Variants in GRM1 observed in about 807,000 individuals in gnomAD.
GRM1 encodes the protein metabotropic glutamate receptor 1.
Under a neutral mutation model 90.9 loss-of-function variants are expected in GRM1, and 33 were observed. That is an observed-to-expected ratio of 0.36 (90% CI 0.28 to 0.49). GRM1 has a LOEUF of 0.49. GRM1 is among the 20% of genes least tolerant of loss of function. The pLI is 0.99. For missense variants in GRM1, 1,190 were observed against 1,534.3 expected, an observed-to-expected ratio of 0.78 and a Z score of 3.75; for synonymous variants, 700 against 613.2, an observed-to-expected ratio of 1.14 and a Z score of -2.09.
chr6:146,279,041 A>C (rs1782475638), intron 2 of GRM1, among the ~76,000 whole-genome samples: 3 of 152,158 alleles, frequency 2.0e-5, no homozygotes, highest in African/African-American at 7.2e-5. Context: ...TTTTATTAAC[A>C]GATATTGTAA....
chr6:146,347,500 G>T (rs946194874), intron 3 of GRM1, among the ~76,000 whole-genome samples: 7 of 152,162 alleles, frequency 4.6e-5, no homozygotes, highest in Non-Finnish European at 1.0e-4. Context: ...TAGCAAGCTT[G>T]CAGGATACAA....
In GRM1 at chr6:146,029,158, G is replaced by A; in HGVS notation, c.-360G>A. 1 of 365,300 alleles carries A rather than the reference G, an allele frequency of 2.7e-6. No individual in the cohort carries two copies. The highest frequency in any genetic ancestry group is 5.2e-6 in the Non-Finnish European group (1 of 191,134). The allele number at this position is 365,300 out of a possible 1,614,324, so 22.6% of individuals were successfully genotyped here. ...CCCAGAGTTTTAACACAGGTCCTCT[G>A]ATGACAAGGTTGTGATTTTTCTCTG... On this transcript the variant is annotated 5_prime_UTR_variant, in exon 1 of 8. An upstream open reading frame in the 5' UTR loses its in-frame stop. Coordinates refer to ENST00000282753, the MANE Select transcript of GRM1 (RefSeq NM_001278064.2).
At chr6:146,044,344 A>G (rs974878835) in intron 1 of GRM1, among the ~76,000 whole-genome samples, 4 of 151,970 alleles carry the variant, frequency 2.6e-5, no homozygotes, top group African/African-American at 7.2e-5. Context: ...GCTTTTACCC[A>G]TCTTCTAACT....
At chr6:146,180,764 C>G (rs1778522212) in intron 2 of GRM1, among the ~76,000 whole-genome samples, 1 of 152,064 alleles carries the variant, frequency 6.6e-6, no homozygotes, top group Non-Finnish European at 1.5e-5. Context: ...TCTTTCCAAC[C>G]CACAGCCTGG....
intron 1 of GRM1, among the ~76,000 whole-genome samples, chr6:146,060,585 T>A (rs1044926012): frequency 6.6e-6 from 1 of 152,198 alleles, no homozygotes; most frequent in African/African-American, 2.4e-5. Flanking sequence ...TGATCTTGTT[T>A]ATTTTTATGG....
intron 2 of GRM1, among the ~76,000 whole-genome samples, chr6:146,265,839 G>C (rs533604818): frequency 1.9e-4 from 29 of 152,126 alleles, no homozygotes; most frequent in African/African-American, 6.5e-4. Flanking sequence ...TTTACTTATG[G>C]GTTGTCTATT....
rs761830769 is a variant in GRM1, at chr6:146,434,413, C to T, written c.3202C>T (p.Pro1068Ser). The change falls in exon 8 of 8, where the codon CCC becomes TCC. Residue 1068 changes from proline to serine, a missense_variant. This residue lies in a region of GRM1 where 400 missense variants were observed against 360.8 expected (regional missense o/e 1.11). Coordinates refer to ENST00000282753, the MANE Select transcript of GRM1 (RefSeq NM_001278064.2). Reference protein sequence around the residue: ...PGNGLRSLYPPPPPPQHLQML... With the variant: ...PGNGLRSLYPSPPPPQHLQML... The stretch of plus-strand genomic sequence containing the variant: ...GAACGGGCTGCGGTCCCTGTACCCG[C>T]CCCCGCCACCTCCGCAGCACCTGCA... The T allele has an allele frequency of 4.3e-6, 7 of 1,612,938 alleles. No individual in the cohort carries two copies. In the East Asian group the frequency reaches 8.9e-5, roughly 21 times the overall value.
intron 2 of GRM1, among the ~76,000 whole-genome samples, chr6:146,197,833 A>G (rs1779173119): frequency 6.6e-6 from 1 of 152,218 alleles, no homozygotes; most frequent in African/African-American, 2.4e-5. Context: ...AGAAGCAGAG[A>G]ATACAGTAAT....
At chr6:146,040,722 G>T (rs189353503) in intron 1 of GRM1, among the ~76,000 whole-genome samples, 1 of 151,984 alleles carries the variant, frequency 6.6e-6, no homozygotes, top group Admixed American at 6.6e-5. Context: ...CCTTGGGGTA[G>T]TCTTATTTGG....
At chr6:146,374,164 C>T (rs561667270) in intron 5 of GRM1, among the ~76,000 whole-genome samples, 2 of 141,590 alleles carry the variant, frequency 1.4e-5, no homozygotes, top group South Asian at 4.5e-4. Context: ...GTATCGGTAT[C>T]GCATTGATTA....
At chr6:146,165,720 G>C (rs1777881567) in intron 2 of GRM1, among the ~76,000 whole-genome samples, 1 of 152,104 alleles carries the variant, frequency 6.6e-6, no homozygotes, top group South Asian at 2.1e-4. Context: ...GAAAAAGACT[G>C]AGAAATGTTG....
At chr6:146,223,904 A>T (rs1223512557) in intron 2 of GRM1, among the ~76,000 whole-genome samples, 1 of 152,112 alleles carries the variant, frequency 6.6e-6, no homozygotes, top group Non-Finnish European at 1.5e-5. Flanking sequence ...GAATATCATA[A>T]TTTACTGTTT....
intron 5 of GRM1, among the ~76,000 whole-genome samples, chr6:146,373,568 A>G (rs1169128802): frequency 2.0e-5 from 3 of 152,232 alleles, no homozygotes; most frequent in East Asian, 3.9e-4. Context: ...TTACAATTTG[A>G]TATGAGATTT....
chr6:146,181,070 T>A (rs920523652), intron 2 of GRM1, among the ~76,000 whole-genome samples: 1 of 152,100 alleles, frequency 6.6e-6, no homozygotes, highest in African/African-American at 2.4e-5. Context: ...TGACACTATT[T>A]TCACTGCCCA....
rs752293971 is a variant in GRM1, at chr6:146,267,680, GGGCTCGGCTCGGCTCGGCTC to G, written c.951-36924_951-36905del. Among the ~76,000 whole-genome samples, 82 of 91,122 alleles carry G rather than the reference GGGCTCGGCTCGGCTCGGCTC, an allele frequency of 9.0e-4. 1 individual carries two copies. The highest frequency in any genetic ancestry group is 6.0e-3 in the African/African-American group (72 of 12,088). The allele number at this position is 91,122 out of a possible 152,430, so 59.8% of individuals were successfully genotyped here. On this transcript the variant is annotated intron_variant, in intron 2 of 7. Transcript: ENST00000282753. Reference sequence around the variant, plus strand: ...GGGCTGGGCTGGGCTGGGCTGGGCTGGGCTCGGCTCGGCTCGGCTCGGCTCGTCTCGTCTCGTCTCGTCTC... The same window carrying G: ...GGGCTGGGCTGGGCTGGGCTGGGCTGGGCTCGTCTCGTCTCGTCTCGTCTC...
intron 1 of GRM1, among the ~76,000 whole-genome samples, chr6:146,061,579 G>C (rs1775670352): frequency 6.6e-6 from 1 of 151,972 alleles, no homozygotes; most frequent in Non-Finnish European, 1.5e-5. Context: ...CTGAGAAAGG[G>C]CTAATATCCG....
intron 2 of GRM1, among the ~76,000 whole-genome samples, chr6:146,260,094 T>G (rs190575166): frequency 5.3e-5 from 8 of 152,018 alleles, no homozygotes; most frequent in Non-Finnish European, 8.8e-5. Context: ...TGTGCCCTGA[T>G]GGTTTGCTGC....
At chr6:146,135,758 T>A (rs1157601340) in intron 1 of GRM1, among the ~76,000 whole-genome samples, 4 of 152,198 alleles carry the variant, frequency 2.6e-5, no homozygotes, top group Non-Finnish European at 5.9e-5. Flanking sequence ...GGGGTATCCA[T>A]CACCTTAAGC....
chr6:146,393,651 G>A (rs936023031), intron 6 of GRM1, among the ~76,000 whole-genome samples: 8 of 152,102 alleles, frequency 5.3e-5, no homozygotes, highest in African/African-American at 1.9e-4. Flanking sequence ...CCATGCTCAT[G>A]GATAGGAAGC....
Sources: gnomAD v4.1 joint callset for allele counts (sites outside exome capture counted in the v4.1 genomes callset) on GRCh38, gnomAD v4.1.1 for gene constraint, gnomAD v4.1.1 regional missense constraint, MANE v1.5 for transcripts, NCBI Gene and HGNC (gene_info 2026-07-23, HGNC 2026-07-21) for gene names.